CERT1: variants seen among roughly 807,000 people sequenced by gnomAD.
CERT1 encodes the protein ceramide transfer protein.
Under a neutral mutation model 87.9 loss-of-function variants are expected in CERT1, and 31 were observed. The observed-to-expected ratio is 0.35, with a 90% CI of 0.27 to 0.48. The LOEUF (loss-of-function observed/expected upper bound fraction) is 0.48. Among genes scored for constraint, CERT1 ranks in the 20% least tolerant of loss-of-function variants. The probability of loss-of-function intolerance (pLI) is 0.99; values close to 1 mark genes in which losing one functional copy is unlikely to be tolerated. For missense variants in CERT1, 487 were observed against 758.0 expected (o/e 0.64, Z 4.20); for synonymous variants, 289 against 250.9 (o/e 1.15, Z -1.44).
chr5:75,408,895 C>T (rs1180167431), intron 8 of CERT1, among the ~76,000 whole-genome samples: 1 of 151,910 alleles, frequency 6.6e-6, no homozygotes, highest in Non-Finnish European at 1.5e-5. Context: ...TAGCACAAGG[C>T]CCCTCTTCCC....
rs112465701 is a variant in CERT1 at position 75,425,635 on chromosome 5, A to G, written c.457-136T>C. 5.1e-3 allele frequency: 3,584 copies of G among 707,064 alleles called. 70 individuals carry two copies. Among genetic ancestry groups the G allele is most frequent in the African/African-American group, 0.05 (2,745 of 55,354 alleles). 43.8% of individuals were successfully genotyped at this position (707,064 alleles called of 1,614,324 possible). On this transcript the variant is annotated intron_variant, in intron 4 of 16. Transcript: ENST00000643780. ...TGGGATAAGGAGAGCTGTCTAGTTC[A>G]ATATAATACTTCTAGGAATAGGCTT...
chr5:75,505,932 T>G (rs755452806), intron 2 of CERT1, 50 bp downstream of exon 2: 4 of 1,456,034 alleles, frequency 2.7e-6, no homozygotes, highest in Non-Finnish European at 3.8e-6. Context: ...TCCTGGTATG[T>G]AGCTGACACT....
At chr5:75,447,445 A>AATTTATTTATTTATTT (rs376050463) in intron 3 of CERT1, among the ~76,000 whole-genome samples, 4,221 of 148,966 alleles carry the variant, frequency 0.028, 115 homozygotes, top group African/African-American at 0.062. Context: ...TTTTAAAAAA[A>AATTTATTTATTTATTT]ATTTATTTAT....
At chr5:75,503,811 A>C (rs1031593741) in intron 2 of CERT1, among the ~76,000 whole-genome samples, 9 of 6,664 alleles carry the variant, frequency 1.4e-3, no homozygotes, top group Admixed American at 2.8e-3. Context: ...CTTCCTGAGA[A>C]GATGGATATA....
downstream of CERT1, chr5:75,374,373 T>TTGAA (rs1761203676): frequency 7.4e-6 from 4 of 537,108 alleles, no homozygotes; most frequent in Non-Finnish European, 1.3e-5. Context: ...TTGAACTTAT[T>TTGAA]CCATCAGCAA....
chr5:75,382,029 G>A lies in CERT1; in HGVS notation c.1537C>T (p.Arg513Ter). Reference protein sequence around the residue: ...QRDVLYLSVIRKIPALTENDP... With the variant: ...QRDVLYLSVI Reference sequence around the variant, plus strand: ...TTTTCAGTCAAGGCTGGTATCTTTCGAATGACAGAAAGATATAATACGTCT... The same window carrying A: ...TTTTCAGTCAAGGCTGGTATCTTTCAAATGACAGAAAGATATAATACGTCT... Residue 513 changes from arginine to a stop codon, truncating the protein, a stop_gained, in exon 15 of 17, where the codon CGA (arginine) becomes TGA (stop). Coordinates refer to ENST00000643780, the MANE Select transcript of CERT1 (RefSeq NM_001379029.1). LOFTEE classifies it high-confidence loss of function. The A allele has an allele frequency of 6.2e-7, 1 of 1,613,370 alleles. No individual in the cohort carries two copies.
intron 12 of CERT1, among the ~76,000 whole-genome samples, 155 bp downstream of exon 12, chr5:75,389,437 T>C (rs1175705025): frequency 6.6e-6 from 1 of 152,224 alleles, no homozygotes; most frequent in Non-Finnish European, 1.5e-5. Context: ...CAAAAAGACA[T>C]TTTATTGCTC....
At chr5:75,511,048 T>C in intron 1 of CERT1, 64 bp downstream of exon 1, 1 of 1,458,330 alleles carries the variant, frequency 6.9e-7, no homozygotes, top group Non-Finnish European at 9.0e-7. Context: ...CCCCACCGCC[T>C]CAGCGGATTG....
At chr5:75,496,525 T>C (rs891298894) in intron 2 of CERT1, among the ~76,000 whole-genome samples, 10 of 152,162 alleles carry the variant, frequency 6.6e-5, no homozygotes, top group Non-Finnish European at 1.3e-4. Context: ...CATGCAAATG[T>C]TTAGAGCAGC....
At chr5:75,475,270 G>T (rs1021931294) in intron 2 of CERT1, among the ~76,000 whole-genome samples, 3 of 152,080 alleles carry the variant, frequency 2.0e-5, no homozygotes, top group African/African-American at 7.2e-5. Context: ...TGTGCTCCTT[G>T]TAAGAATCCT....
chr5:75,445,374 AT>A (rs1764494102), intron 3 of CERT1, among the ~76,000 whole-genome samples: 1 of 152,206 alleles, frequency 6.6e-6, no homozygotes, highest in South Asian at 2.1e-4. Flanking sequence ...TCCCTTAAGC[AT>A]TTCTTGCAGT....
chr5:75,497,216 C>A (rs1194054208), intron 2 of CERT1, among the ~76,000 whole-genome samples: 4 of 152,110 alleles, frequency 2.6e-5, no homozygotes, highest in African/African-American at 9.7e-5. Context: ...GCATCTTTGT[C>A]CCCCTTTGAT....
In CERT1 at chr5:75,426,425, C is replaced by T; in HGVS notation, c.402G>A (p.Val134=). 2 of 1,613,702 alleles carry T rather than the reference C, an allele frequency of 1.2e-6. No individual in the cohort carries two copies. Among genetic ancestry groups the T allele is most frequent in the Non-Finnish European group, 1.7e-6 (2 of 1,179,872 alleles). Residue 134 remains valine, a synonymous_variant, in exon 4 of 17, where the codon GTG becomes GTA. Transcript: ENST00000643780. ...AGCCACTTGCTCCAGACACCAGGGA[C>T]ACCATTGAGCCATGTCGACGCAAGC... The part of the protein sequence containing the change: ...ESSLRRHGSM[V]SLVSGASGYS...
intron 16 of CERT1, among the ~76,000 whole-genome samples, chr5:75,380,352 A>G (rs1427589178): frequency 6.6e-6 from 1 of 152,228 alleles, no homozygotes; most frequent in East Asian, 1.9e-4. Flanking sequence ...CTAGCAACTA[A>G]TAAGGACTAG....
intron 7 of CERT1, among the ~76,000 whole-genome samples, chr5:75,413,126 A>G (rs1041626156): frequency 1.3e-5 from 2 of 152,162 alleles, no homozygotes; most frequent in African/African-American, 4.8e-5. Flanking sequence ...TTATAAACTA[A>G]GAGACAACAC....
At chr5:75,506,160 T>C in intron 1 of CERT1, 44 bp from the exon 2 acceptor site, 1 of 1,584,326 alleles carries the variant, frequency 6.3e-7, no homozygotes, top group Non-Finnish European at 8.6e-7. Context: ...AAACAAAAAA[T>C]AGAAGTATTT....
At chr5:75,448,380 T>G (rs1239187874) in intron 3 of CERT1, among the ~76,000 whole-genome samples, 2 of 152,188 alleles carry the variant, frequency 1.3e-5, no homozygotes, top group Non-Finnish European at 2.9e-5. Flanking sequence ...GTTACGGTAA[T>G]ATTTTAACCT....
chr5:75,388,569 T>C (rs1761892583), intron 12 of CERT1, among the ~76,000 whole-genome samples: 1 of 135,814 alleles, frequency 7.4e-6, no homozygotes, highest in African/African-American at 2.7e-5. Context: ...CTCAGTACAT[T>C]ATCAGATGGA....
intron 2 of CERT1, among the ~76,000 whole-genome samples, chr5:75,495,373 A>G (rs1309003808): frequency 6.6e-6 from 1 of 152,164 alleles, no homozygotes; most frequent in East Asian, 1.9e-4. Flanking sequence ...CCTGAGCAAC[A>G]TGGTCAAACC....
Sources: gnomAD v4.1 joint callset for allele counts (sites outside exome capture counted in the v4.1 genomes callset) on GRCh38, gnomAD v4.1.1 for gene constraint, MANE v1.5 for transcripts, NCBI Gene and HGNC (gene_info 2026-07-23, HGNC 2026-07-21) for gene names.